The following DENND1A variants were observed in gnomAD, a reference collection of about 807,000 sequenced individuals.
The protein encoded by DENND1A is DENN domain-containing protein 1A.
A neutral mutation model predicts 113.7 loss-of-function variants in DENND1A; 51 were observed. The ratio of observed to expected loss-of-function variants is 0.45; its 90% CI spans 0.36 to 0.57. The LOEUF (loss-of-function observed/expected upper bound fraction) is 0.57. Among genes scored for constraint, DENND1A ranks in the 20% least tolerant of loss-of-function variants. The probability of loss-of-function intolerance (pLI) is 0.00; values close to 1 mark genes in which losing one functional copy is unlikely to be tolerated. For missense variants in DENND1A, 1,258 were observed against 1,395.9 expected (o/e 0.90, Z 1.57); for synonymous variants, 565 against 570.8 (o/e 0.99, Z 0.14).
chr9:123,587,623 T>C (rs1157839282), intron 11 of DENND1A, among the ~76,000 whole-genome samples: 1 of 152,216 alleles, frequency 6.6e-6, no homozygotes, highest in African/African-American at 2.4e-5. Context: ...TTCCCAGAGC[T>C]ATGAACATCT....
At chr9:123,754,591 T>A (rs1030850405) in intron 5 of DENND1A, among the ~76,000 whole-genome samples, 2 of 152,196 alleles carry the variant, frequency 1.3e-5, no homozygotes, top group Non-Finnish European at 2.9e-5. Context: ...TGTATTGTGA[T>A]CATCCATCTC....
chr9:123,423,350 T>A (rs1362056629), intron 19 of DENND1A, among the ~76,000 whole-genome samples: 1 of 152,190 alleles, frequency 6.6e-6, no homozygotes, highest in Non-Finnish European at 1.5e-5. Flanking sequence ...CCTCTTCCTG[T>A]AGGTACAACC....
chr9:123,828,330 AT>A (rs966654412), intron 2 of DENND1A, among the ~76,000 whole-genome samples: 24 of 152,328 alleles, frequency 1.6e-4, no homozygotes, highest in African/African-American at 5.8e-4. Flanking sequence ...TCAGAAAAAA[AT>A]ATCCAGATTA....
At chr9:123,460,751 C>A (rs562865504) in intron 13 of DENND1A, among the ~76,000 whole-genome samples, 47 of 152,324 alleles carry the variant, frequency 3.1e-4, no homozygotes, top group African/African-American at 1.0e-3. Context: ...CTGTTTCGTC[C>A]CTCTTCTACT....
At chr9:123,604,181 T>C (rs147438245) in intron 11 of DENND1A, among the ~76,000 whole-genome samples, 4 of 152,296 alleles carry the variant, frequency 2.6e-5, no homozygotes, top group African/African-American at 7.2e-5. Context: ...GAACTACTCA[T>C]ATCTCCTGGA....
intron 3 of DENND1A, among the ~76,000 whole-genome samples, chr9:123,784,952 G>T (rs985842301): frequency 6.6e-6 from 1 of 152,066 alleles, no homozygotes; most frequent in Non-Finnish European, 1.5e-5. Context: ...ATATACTTTC[G>T]TTAAGATGTC....
chr9:123,869,798 C>T (rs1274720474), intron 2 of DENND1A, among the ~76,000 whole-genome samples: 3 of 151,916 alleles, frequency 2.0e-5, no homozygotes, highest in East Asian at 1.9e-4. Flanking sequence ...CCCAGGAGTT[C>T]GTGACCAGCC....
intron 2 of DENND1A, among the ~76,000 whole-genome samples, chr9:123,839,813 A>G (rs1032158687): frequency 6.6e-6 from 1 of 152,144 alleles, no homozygotes; most frequent in African/African-American, 2.4e-5. Flanking sequence ...TAACTGGGAG[A>G]AGCTGTCTTC....
intron 13 of DENND1A, among the ~76,000 whole-genome samples, chr9:123,496,864 T>C (rs1247875032): frequency 6.6e-6 from 1 of 152,198 alleles, no homozygotes; most frequent in Non-Finnish European, 1.5e-5. Flanking sequence ...GCTCACATAG[T>C]GCTGAAATCA....
intron 9 of DENND1A, among the ~76,000 whole-genome samples, chr9:123,649,730 T>C (rs564721158): frequency 6.6e-6 from 1 of 152,352 alleles, no homozygotes; most frequent in South Asian, 2.1e-4. Flanking sequence ...TTCTTACTAT[T>C]TTAAAAATTC....
rs117822078 is a variant in DENND1A at position 123,826,034 on chromosome 9, C to A, written c.89-33404G>T. Among the ~76,000 whole-genome samples, 5 of 152,292 alleles carry A rather than the reference C, an allele frequency of 3.3e-5. No homozygotes were observed. The East Asian group carries it at 9.6e-4, about 29-fold the overall frequency. Reference sequence around the variant, plus strand: ...GTGAGAGTCAAAGCTGACCCTAGAGCAGAGCTATAACCAAAAGGTACTGTA... The same window carrying A: ...GTGAGAGTCAAAGCTGACCCTAGAGAAGAGCTATAACCAAAAGGTACTGTA... On this transcript the variant is annotated intron_variant, in intron 2 of 23. Transcript: ENST00000394215.
intron 13 of DENND1A, among the ~76,000 whole-genome samples, chr9:123,494,192 G>A (rs935242743): frequency 6.6e-6 from 1 of 152,198 alleles, no homozygotes; most frequent in Non-Finnish European, 1.5e-5. Flanking sequence ...GAGGCTGGAT[G>A]GCCTAGAGCT....
chr9:123,556,730 G>A (rs1374291364), intron 13 of DENND1A, among the ~76,000 whole-genome samples: 2 of 152,206 alleles, frequency 1.3e-5, no homozygotes, highest in Admixed American at 1.3e-4. Flanking sequence ...TGTCGGCAAG[G>A]TTTCCCTCCA....
intron 19 of DENND1A, among the ~76,000 whole-genome samples, chr9:123,424,679 A>C (rs2045578464): frequency 6.6e-6 from 1 of 152,194 alleles, no homozygotes; most frequent in Non-Finnish European, 1.5e-5. Context: ...CCAGCATCAG[A>C]TAGGCCTGGA....
intron 19 of DENND1A, among the ~76,000 whole-genome samples, chr9:123,416,656 T>A (rs2044750693): frequency 6.6e-6 from 1 of 152,162 alleles, no homozygotes; most frequent in South Asian, 2.1e-4. Context: ...CTCCAGCACT[T>A]CCCGAGCTGG....
chr9:123,538,809 CATATATATATATATATATAT>C lies in DENND1A; in HGVS notation c.993+18741_993+18760del, dbSNP rs35223887. On this transcript the variant is annotated intron_variant, in intron 13 of 23. Transcript: ENST00000394215. ...ATGAATCCAAAGGTGACAACTCATA[CATATATATATATATATATAT>C]ATATATATATATATATATATATATA... Among the ~76,000 whole-genome samples, 193 of 22,464 alleles carry C rather than the reference CATATATATATATATATATAT, an allele frequency of 8.6e-3. 3 individuals carry two copies. In the East Asian group the frequency reaches 0.14, roughly 16 times the overall value. 14.7% of individuals were successfully genotyped at this position (22,464 alleles called of 152,430 possible). A position where few individuals can be genotyped will look rare whatever the true frequency, so the allele number is the denominator to read the frequency against.
At chr9:123,815,122 T>C (rs1287977919) in intron 2 of DENND1A, among the ~76,000 whole-genome samples, 2 of 152,166 alleles carry the variant, frequency 1.3e-5, no homozygotes, top group East Asian at 3.8e-4. Flanking sequence ...ACTCAAACTG[T>C]GGGTGGAAAT....
At chr9:123,535,750 C>T (rs929053654) in intron 13 of DENND1A, among the ~76,000 whole-genome samples, 1 of 152,222 alleles carries the variant, frequency 6.6e-6, no homozygotes, top group Non-Finnish European at 1.5e-5. Flanking sequence ...AACACCTCCC[C>T]TGGCTTTGCT....
chr9:123,685,496 A>G (rs1311188179), intron 5 of DENND1A, among the ~76,000 whole-genome samples: 2 of 152,192 alleles, frequency 1.3e-5, no homozygotes, highest in African/African-American at 4.8e-5. Context: ...CCCATAAAAC[A>G]TCTGTGCTTA....
Sources: gnomAD v4.1 joint callset for allele counts (sites outside exome capture counted in the v4.1 genomes callset) on GRCh38, gnomAD v4.1.1 for gene constraint, MANE v1.5 for transcripts, NCBI Gene and HGNC (gene_info 2026-07-23, HGNC 2026-07-21) for gene names.